Variants in RBMS3 observed in about 807,000 individuals in gnomAD.
RBMS3 encodes the protein RNA-binding motif, single-stranded-interacting protein 3.
In RBMS3, 27 loss-of-function variants were observed where a neutral mutation model predicts 66.8. That is an observed-to-expected ratio of 0.40 (90% confidence interval 0.30 to 0.56). RBMS3 has a LOEUF of 0.56. Among genes scored for constraint, RBMS3 ranks in the 20% least tolerant of loss-of-function variants. The probability of loss-of-function intolerance (pLI) is 0.40; values close to 1 mark genes in which losing one functional copy is unlikely to be tolerated. For missense variants in RBMS3, 513 were observed against 549.5 expected (o/e 0.93, Z 0.66); for synonymous variants, 188 against 183.0 (o/e 1.03, Z -0.22).
chr3:29,402,348 C>T (rs1028747738), intron 1 of RBMS3, among the ~76,000 whole-genome samples: 1 of 152,026 alleles, frequency 6.6e-6, no homozygotes, highest in African/African-American at 2.4e-5. Flanking sequence ...CTCAATTGCC[C>T]ACTTTAGAAA....
intron 6 of RBMS3, among the ~76,000 whole-genome samples, chr3:29,783,114 G>A (rs2056695683): frequency 6.6e-6 from 1 of 152,158 alleles, no homozygotes; most frequent in South Asian, 2.1e-4. Context: ...TAAAAGTTTT[G>A]AAAACACATT....
chr3:29,542,430 G>T (rs537876321), intron 3 of RBMS3, among the ~76,000 whole-genome samples: 21 of 151,976 alleles, frequency 1.4e-4, no homozygotes, highest in African/African-American at 4.6e-4. Context: ...GTGCAATCTC[G>T]GCTCACTGCA....
intron 4 of RBMS3, among the ~76,000 whole-genome samples, chr3:29,589,809 A>G (rs954177330): frequency 1.3e-5 from 2 of 152,036 alleles, no homozygotes; most frequent in African/African-American, 4.8e-5. Flanking sequence ...ATATCCTACT[A>G]TGCAGGTTGT....
At chr3:29,665,281 T>C (rs1051584873) in intron 4 of RBMS3, among the ~76,000 whole-genome samples, 1 of 152,204 alleles carries the variant, frequency 6.6e-6, no homozygotes, top group Non-Finnish European at 1.5e-5. Flanking sequence ...AAATTCTACA[T>C]TGTCCTCAAG....
intron 1 of RBMS3, among the ~76,000 whole-genome samples, chr3:29,362,266 A>C (rs2037643999): frequency 6.6e-6 from 1 of 152,222 alleles, no homozygotes; most frequent in African/African-American, 2.4e-5. Context: ...TCCTTTTAAC[A>C]GTCAGGACCC....
intron 3 of RBMS3, among the ~76,000 whole-genome samples, chr3:29,509,679 T>A (rs9310904): frequency 0.082 from 12,559 of 152,232 alleles, 896 homozygotes; most frequent in East Asian, 0.36. Flanking sequence ...AAGCTGCCTT[T>A]GGTATCCTTC....
At chr3:29,754,967 TG>T (rs1376760037) in intron 5 of RBMS3, among the ~76,000 whole-genome samples, 7 of 152,182 alleles carry the variant, frequency 4.6e-5, no homozygotes, top group Admixed American at 2.6e-4. Context: ...TATGTCTCTC[TG>T]GGCCTGATAA....
At chr3:29,719,683 T>C (rs2053559384) in intron 4 of RBMS3, among the ~76,000 whole-genome samples, 1 of 152,270 alleles carries the variant, frequency 6.6e-6, no homozygotes, top group Middle Eastern at 3.4e-3. Context: ...TAATCAATAG[T>C]AGCTGTGGGC....
intron 3 of RBMS3, among the ~76,000 whole-genome samples, chr3:29,517,383 C>G (rs1036726786): frequency 2.0e-5 from 3 of 149,796 alleles, no homozygotes; most frequent in Non-Finnish European, 4.4e-5. Flanking sequence ...AGTACAGTGG[C>G]GCAATCTTGG....
At chr3:29,649,957 C>G (rs1365128954) in intron 4 of RBMS3, among the ~76,000 whole-genome samples, 2 of 152,146 alleles carry the variant, frequency 1.3e-5, no homozygotes, top group Non-Finnish European at 2.9e-5. Flanking sequence ...TGTCACATCG[C>G]ACAAGGCCAA....
intron 4 of RBMS3, among the ~76,000 whole-genome samples, chr3:29,634,191 G>A (rs1412989740): frequency 6.6e-6 from 1 of 151,808 alleles, no homozygotes; most frequent in Non-Finnish European, 1.5e-5. Context: ...TCTTTGAGGT[G>A]GATTTTTACT....
intron 3 of RBMS3, among the ~76,000 whole-genome samples, chr3:29,581,701 T>C (rs2047335614): frequency 6.6e-6 from 1 of 152,228 alleles, no homozygotes; most frequent in Admixed American, 6.5e-5. Context: ...ATTTGGGTGC[T>C]ACACCAAGCC....
intron 6 of RBMS3, among the ~76,000 whole-genome samples, chr3:29,788,465 T>C (rs1559672791): frequency 6.6e-6 from 1 of 152,130 alleles, no homozygotes; most frequent in East Asian, 1.9e-4. Context: ...GACCTTGTGA[T>C]CTGCCTGCCT....
rs1270408979 is a variant in RBMS3 at position 30,008,400 on chromosome 3, G to A, written c.*4538G>A. ...TATATGATTTGAAATCAAGTAAAGG[G>A]ACAATGTTTATGTACGTGTATAACA... On this transcript the variant is annotated 3_prime_UTR_variant, in exon 15 of 15. Coordinates refer to ENST00000383767, the MANE Select transcript of RBMS3 (RefSeq NM_001003793.3). The A allele has an allele frequency of 6.6e-6, 1 of 152,016 alleles. No individual in the cohort carries two copies. The highest frequency in any genetic ancestry group is 1.5e-5 in the Non-Finnish European group (1 of 67,962). 9.4% of individuals were successfully genotyped at this position (152,016 alleles called of 1,614,324 possible).
In RBMS3 at chr3:29,702,775, C is replaced by T. The variant is rs901465582; in HGVS notation, c.400-36945C>T. Among the ~76,000 whole-genome samples, 9 of 152,172 alleles carry T rather than the reference C, an allele frequency of 5.9e-5. No individual in the cohort carries two copies. The East Asian group carries it at 1.5e-3, about 26-fold the overall frequency. On this transcript the variant is annotated intron_variant, in intron 4 of 14. Coordinates refer to ENST00000383767, the MANE Select transcript of RBMS3 (RefSeq NM_001003793.3). Reference sequence around the variant, plus strand: ...TTTACTCCTGAAGCCAGCGAGACCACGAACCCACCAGAAGGAAGAAACTCC... The same window carrying T: ...TTTACTCCTGAAGCCAGCGAGACCATGAACCCACCAGAAGGAAGAAACTCC...
intron 3 of RBMS3, among the ~76,000 whole-genome samples, chr3:29,553,786 A>C (rs2046255978): frequency 6.7e-6 from 1 of 149,600 alleles, no homozygotes; most frequent in African/African-American, 2.5e-5. Flanking sequence ...TTTTATTACA[A>C]TACCAAAATT....
chr3:29,897,504 G>T (rs373893728), intron 9 of RBMS3, 29 bp downstream of exon 9: 1 of 1,582,774 alleles, frequency 6.3e-7, no homozygotes, highest in Non-Finnish European at 8.7e-7. Flanking sequence ...CACCTTAGGA[G>T]ATATCTTTCT....
intron 4 of RBMS3, among the ~76,000 whole-genome samples, chr3:29,604,780 T>A (rs1289211519): frequency 6.6e-6 from 1 of 151,960 alleles, no homozygotes; most frequent in Non-Finnish European, 1.5e-5. Flanking sequence ...TTTTAATATC[T>A]ATCACTCAGT....
rs74338182 is a variant in RBMS3 at position 29,574,465 on chromosome 3, G to A, written c.308-12649G>A. On this transcript the variant is annotated intron_variant, in intron 3 of 14. Transcript: ENST00000383767. ...CAGTCTGTGGGTCTTTATACGTGAC[G>A]TGGGTTTCTTGTAGGCAACAGATTA... Among the ~76,000 whole-genome samples the A allele has an allele frequency of 6.9e-3, 1,042 of 151,874 alleles. 29 individuals are homozygous for A. Among genetic ancestry groups the A allele is most frequent in the Admixed American group, 0.054 (826 of 15,282 alleles).
Sources: gnomAD v4.1 joint callset for allele counts (sites outside exome capture counted in the v4.1 genomes callset) on GRCh38, gnomAD v4.1.1 for gene constraint, MANE v1.5 for transcripts, NCBI Gene and HGNC (gene_info 2026-07-23, HGNC 2026-07-21) for gene names.